Variants in CILK1 observed in about 807,000 individuals in gnomAD.
The protein encoded by CILK1 is serine/threonine-protein kinase ICK.
CILK1 carries 47 observed loss-of-function variants against 79.2 expected under a neutral mutation model. The observed-to-expected ratio is 0.59, with a 90% CI of 0.47 to 0.76. The LOEUF is 0.76. CILK1 is among the 30% of genes least tolerant of loss of function. CILK1 has a pLI of 0.00. For missense variants in CILK1, 660 were observed against 769.5 expected, an observed-to-expected ratio of 0.86 and a Z score of 1.68; for synonymous variants, 266 against 275.9, an observed-to-expected ratio of 0.96 and a Z score of 0.36.
Position 53,013,858 on chromosome 6 carries a change from G to A in CILK1, c.956C>T (p.Pro319Leu). The A allele has an allele frequency of 1.9e-6, 3 of 1,614,050 alleles. No homozygotes were observed. The highest frequency in any genetic ancestry group is 2.5e-6 in the Non-Finnish European group (3 of 1,179,970). Residue 319 changes from proline (P) to leucine (L), a missense_variant, in exon 9 of 14, where the codon CCA (proline) becomes CTA (leucine). Physicochemically the swap from Pro to Leu is moderately conservative, Grantham distance 98. Coordinates refer to ENST00000676107, the MANE Select transcript of CILK1 (RefSeq NM_014920.5). ...GGCTGGTGGCTGGGCAGGTGGGACT[G>A]GCTTAATATAAGGAGGTGGGCCTGC... ...EKAGPPPYIK[P>L]VPPAQPPAKP...
intron 12 of CILK1, 76 bp downstream of exon 12, chr6:53,009,363 A>G: frequency 4.2e-6 from 6 of 1,445,286 alleles, no homozygotes; most frequent in Admixed American, 1.7e-5. Context: ...AGCCCGTCCC[A>G]TGACTCCTTG....
intron 2 of CILK1, among the ~76,000 whole-genome samples, chr6:53,040,730 G>C (rs974361572): frequency 1.3e-5 from 2 of 152,234 alleles, no homozygotes; most frequent in Non-Finnish European, 2.9e-5. Flanking sequence ...AATGTGTCTG[G>C]ACTCAGGTTG....
intron 12 of CILK1, among the ~76,000 whole-genome samples, chr6:53,006,864 G>T (rs1385716619): frequency 1.3e-5 from 2 of 152,036 alleles, no homozygotes; most frequent in Non-Finnish European, 2.9e-5. Context: ...TTTTCTTATT[G>T]ATCAACACAC....
At position 53,012,074 on chromosome 6, in the gene CILK1, TC is replaced by T. The variant is rs1764605270; in HGVS notation, c.1305del (p.Asn437ThrfsTer19). The T allele has an allele frequency of 2.5e-6, 4 of 1,614,124 alleles. No homozygotes were observed. The highest frequency in any genetic ancestry group is 3.4e-6 in the Non-Finnish European group (4 of 1,180,042). ...DFSPSLSRID[L>X]KNKKRQSDDT... is the part of the protein sequence containing the mutation. ...TCATCACTCTGTCTTTTCTTGTTTT[TC>T]AGGTCAATCCTGCTGAGGGATGGAC... On this transcript the variant is annotated frameshift_variant, in exon 10 of 14. Transcript: ENST00000676107. LOFTEE classifies it high-confidence loss of function.
In CILK1 at chr6:53,003,187, A is replaced by C. The variant is rs1483141112; in HGVS notation, c.*1962T>G. Reference sequence around the variant, plus strand: ...GCTGCCAGCTTGTTAACAGGAAAAGACCACCTATCACATCCACATCCATTA... The same window carrying C: ...GCTGCCAGCTTGTTAACAGGAAAAGCCCACCTATCACATCCACATCCATTA... On this transcript the variant is annotated 3_prime_UTR_variant, in exon 14 of 14. Coordinates refer to ENST00000676107, the MANE Select transcript of CILK1 (RefSeq NM_014920.5). 1 of 152,616 alleles carries C rather than the reference A, an allele frequency of 6.6e-6. No individual in the cohort carries two copies. The highest frequency in any genetic ancestry group is 1.5e-5 in the Non-Finnish European group (1 of 68,024). 9.5% of individuals were successfully genotyped at this position (152,616 alleles called of 1,614,324 possible).
intron 1 of CILK1, among the ~76,000 whole-genome samples, chr6:53,058,898 G>A (rs929448950): frequency 6.6e-6 from 1 of 152,006 alleles, no homozygotes; most frequent in Non-Finnish European, 1.5e-5. Context: ...TGAAATGGAG[G>A]AGACTGCTGC....
At chr6:53,047,016 A>G (rs1767121528) in intron 1 of CILK1, among the ~76,000 whole-genome samples, 1 of 152,248 alleles carries the variant, frequency 6.6e-6, no homozygotes. Context: ...ACAAGAGGGC[A>G]GGCACAGCCT....
intron 2 of CILK1, 58 bp from the exon 3 acceptor site, chr6:53,038,051 G>T: frequency 8.1e-7 from 1 of 1,227,054 alleles, no homozygotes; most frequent in Non-Finnish European, 1.2e-6. Flanking sequence ...GTTAAACTTT[G>T]CTTTTAGAAA....
chr6:53,044,786 C>G (rs922708225), intron 1 of CILK1, among the ~76,000 whole-genome samples: 2 of 152,144 alleles, frequency 1.3e-5, no homozygotes, highest in East Asian at 3.9e-4. Context: ...TCTTTTACCT[C>G]TCCCCCACAC....
In CILK1 at chr6:53,002,013, A is replaced by G. The variant is rs1763966147; in HGVS notation, c.*3136T>C. On this transcript the variant is annotated 3_prime_UTR_variant, in exon 14 of 14. Coordinates refer to ENST00000676107, the MANE Select transcript of CILK1 (RefSeq NM_014920.5). ...TCTTGTGTTGTCTTGATTGTATACA[A>G]TTTTTGATAACTCCAGAAGATGACA... 1 of 152,626 alleles carries G rather than the reference A, an allele frequency of 6.6e-6. No individual in the cohort carries two copies. Among genetic ancestry groups the G allele is most frequent in the Non-Finnish European group, 1.5e-5 (1 of 68,036 alleles). The allele number at this position is 152,626 out of a possible 1,614,324, so 9.5% of individuals were successfully genotyped here. A position where few individuals can be genotyped will look rare whatever the true frequency, so the allele number is the denominator to read the frequency against.
At chr6:53,044,329 G>A (rs541246244) in intron 1 of CILK1, among the ~76,000 whole-genome samples, 17 of 152,298 alleles carry the variant, frequency 1.1e-4, no homozygotes, top group African/African-American at 3.1e-4. Context: ...TCTAGGTTGC[G>A]TGCTCCTTAG....
At chr6:53,051,455 A>G (rs1481425662) in intron 1 of CILK1, among the ~76,000 whole-genome samples, 3 of 152,196 alleles carry the variant, frequency 2.0e-5, no homozygotes, top group Non-Finnish European at 4.4e-5. Flanking sequence ...CAGAGGCTCT[A>G]GAGGGAATCC....
chr6:53,028,949 TTG>T (rs762588648), intron 5 of CILK1, among the ~76,000 whole-genome samples: 3 of 151,226 alleles, frequency 2.0e-5, no homozygotes, highest in Non-Finnish European at 3.0e-5. Context: ...GTCTATGTGT[TTG>T]TGTGTGTGTG....
At chr6:53,011,666 C>T in intron 11 of CILK1, 103 bp downstream of exon 11, 5 of 1,087,184 alleles carry the variant, frequency 4.6e-6, no homozygotes, top group Non-Finnish European at 7.1e-6. Flanking sequence ...TGAAGGGAAG[C>T]CCCCTAGTAT....
Position 53,005,109 on chromosome 6 carries a change from T to C in CILK1, c.*40A>G, listed in dbSNP as rs926593864. ...ACCAGTCAGCTGAGGGAAAGTATCC[T>C]GCTTCTCCCTAGGAAGAGATTCATC... On this transcript the variant is annotated 3_prime_UTR_variant, in exon 14 of 14. Coordinates refer to ENST00000676107, the MANE Select transcript of CILK1 (RefSeq NM_014920.5). 1 of 1,610,892 alleles carries C rather than the reference T, an allele frequency of 6.2e-7. No homozygotes were observed. The highest frequency in any genetic ancestry group is 1.1e-5 in the South Asian group (1 of 90,998).
rs1449019970 is a variant in CILK1 at position 53,002,666 on chromosome 6, C to A, written c.*2483G>T. On this transcript the variant is annotated 3_prime_UTR_variant, in exon 14 of 14. Coordinates refer to ENST00000676107, the MANE Select transcript of CILK1 (RefSeq NM_014920.5). ...CTAGTTAAAATTTGTTTTTTCAGTCCTCTAGTTTTCTCAACTGCACATCAG... is the reference window on the plus strand; with the variant it reads ...CTAGTTAAAATTTGTTTTTTCAGTCATCTAGTTTTCTCAACTGCACATCAG... 1.3e-5 allele frequency: 2 copies of A among 152,106 alleles called. No individual in the cohort carries two copies. Among genetic ancestry groups the A allele is most frequent in the Non-Finnish European group, 2.9e-5 (2 of 68,016 alleles). 9.4% of individuals were successfully genotyped at this position (152,106 alleles called of 1,614,324 possible).
At chr6:53,005,976 T>C (rs977244140) in intron 13 of CILK1, among the ~76,000 whole-genome samples, 2 of 152,166 alleles carry the variant, frequency 1.3e-5, no homozygotes, top group East Asian at 3.8e-4. Context: ...GCCTCACTCA[T>C]ACTGTATGCT....
chr6:53,008,131 A>C (rs1764342255), intron 12 of CILK1, among the ~76,000 whole-genome samples: 1 of 151,622 alleles, frequency 6.6e-6, no homozygotes, highest in Non-Finnish European at 1.5e-5. Context: ...GAGAAGGCAT[A>C]CATAAATTAT....
chr6:53,036,270 T>C (rs1766325371), intron 3 of CILK1, among the ~76,000 whole-genome samples: 1 of 152,212 alleles, frequency 6.6e-6, no homozygotes, highest in Admixed American at 6.5e-5. Context: ...ATCTTTGTTT[T>C]TTATCTCTGA....
Sources: gnomAD v4.1 joint callset for allele counts (sites outside exome capture counted in the v4.1 genomes callset) on GRCh38, gnomAD v4.1.1 for gene constraint, MANE v1.5 for transcripts, NCBI Gene and HGNC (gene_info 2026-07-23, HGNC 2026-07-21) for gene names.